Variants in PCSK5 observed in about 807,000 individuals in gnomAD.
PCSK5 encodes the protein prohormone convertase 5.
PCSK5 carries 129 observed loss-of-function variants against 233.2 expected under a neutral mutation model. The observed-to-expected ratio is 0.55, with a 90% CI of 0.48 to 0.64. The LOEUF is 0.64. PCSK5 is among the 30% of genes least tolerant of loss of function. The pLI is 0.00. For missense variants in PCSK5, 2,076 were observed against 2,430.1 expected (o/e 0.85, Z 3.06); for synonymous variants, 825 against 879.2 (o/e 0.94, Z 1.09).
rs1292906064 is a variant in PCSK5, at chr9:76,052,146, T to C, written c.633-15809T>C. Among the ~76,000 whole-genome samples, 97 of 152,206 alleles carry C rather than the reference T, an allele frequency of 6.4e-4. 1 individual carries two copies. The highest frequency in any genetic ancestry group is 2.9e-5 in the Non-Finnish European group (2 of 68,028). ...TCGCATTTCATTGTCATGATTAGTA[T>C]ATTTCATCAACAGGAAGCTCTCATA... On this transcript the variant is annotated intron_variant, in intron 5 of 37. Transcript: ENST00000674117.
At chr9:75,985,996 T>G in intron 2 of PCSK5, 136 bp from the exon 3 acceptor site, 1 of 609,854 alleles carries the variant, frequency 1.6e-6, no homozygotes, top group South Asian at 2.1e-5. Flanking sequence ...GCACTTAGAC[T>G]CAGAGATTTT....
At chr9:76,053,231 T>TG (rs963019147) in intron 5 of PCSK5, among the ~76,000 whole-genome samples, 1 of 152,086 alleles carries the variant, frequency 6.6e-6, no homozygotes. Context: ...GACACTCTTT[T>TG]GGGGGGGCTC....
intron 1 of PCSK5, among the ~76,000 whole-genome samples, chr9:75,903,017 G>C (rs1826107158): frequency 6.6e-6 from 1 of 152,140 alleles, no homozygotes; most frequent in African/African-American, 2.4e-5. Context: ...ATTTTAGGTT[G>C]ACTTTTAGCT....
At chr9:76,048,116 G>A (rs1159895540) in intron 5 of PCSK5, among the ~76,000 whole-genome samples, 3 of 152,118 alleles carry the variant, frequency 2.0e-5, no homozygotes, top group Admixed American at 2.0e-4. Flanking sequence ...ACATGGCTTT[G>A]AGTGTGATGG....
intron 2 of PCSK5, among the ~76,000 whole-genome samples, chr9:75,980,165 T>C (rs1826214114): frequency 6.6e-6 from 1 of 152,218 alleles, no homozygotes; most frequent in African/African-American, 2.4e-5. Flanking sequence ...AGAACTATGA[T>C]GTTAATTCTT....
intron 24 of PCSK5, 65 bp from the exon 25 acceptor site, chr9:76,292,168 A>T: frequency 1.1e-6 from 1 of 907,036 alleles, no homozygotes; most frequent in Non-Finnish European, 1.8e-6. Flanking sequence ...TACAGCTTTC[A>T]GACCCTATTT....
chr9:76,050,033 A>G (rs1489849702), intron 5 of PCSK5, among the ~76,000 whole-genome samples: 1 of 152,168 alleles, frequency 6.6e-6, no homozygotes, highest in Non-Finnish European at 1.5e-5. Flanking sequence ...TATTGAAACT[A>G]TGTTGTATCA....
intron 2 of PCSK5, among the ~76,000 whole-genome samples, chr9:75,981,187 G>A (rs1394503408): frequency 6.6e-6 from 1 of 152,094 alleles, no homozygotes; most frequent in South Asian, 2.1e-4. Context: ...TGATCAGCTA[G>A]AACATTGACC....
intron 1 of PCSK5, among the ~76,000 whole-genome samples, chr9:75,896,447 T>C (rs7031971): frequency 0.53 from 80,672 of 152,046 alleles, 24,019 homozygotes; most frequent in African/African-American, 0.81. Flanking sequence ...TTTTCAGCAA[T>C]GTCTGACTCT....
intron 4 of PCSK5, among the ~76,000 whole-genome samples, chr9:76,025,732 T>A (rs1265273580): frequency 6.6e-6 from 1 of 152,146 alleles, no homozygotes; most frequent in Non-Finnish European, 1.5e-5. Flanking sequence ...TATACTCTTG[T>A]ATCTTTCTTA....
At chr9:76,336,243 C>A (rs567939476) in intron 34 of PCSK5, among the ~76,000 whole-genome samples, 2 of 152,192 alleles carry the variant, frequency 1.3e-5, no homozygotes, top group Non-Finnish European at 2.9e-5. Context: ...GGTGGCTAAA[C>A]AGACCAAGCC....
At chr9:75,945,186 A>G (rs966532615) in intron 2 of PCSK5, among the ~76,000 whole-genome samples, 2 of 150,810 alleles carry the variant, frequency 1.3e-5, no homozygotes, top group Admixed American at 1.3e-4. Context: ...TCATACATAT[A>G]TAATATAACA....
intron 7 of PCSK5, among the ~76,000 whole-genome samples, chr9:76,093,484 TTTA>T (rs2131644433): frequency 6.6e-6 from 1 of 152,172 alleles, no homozygotes; most frequent in South Asian, 2.1e-4. Context: ...TCCTAAATAT[TTTA>T]TTAAATATTC....
chr9:76,267,372 C>T (rs1479178979), intron 24 of PCSK5, among the ~76,000 whole-genome samples: 2 of 152,126 alleles, frequency 1.3e-5, no homozygotes, highest in Admixed American at 1.3e-4. Flanking sequence ...TGGGGCAAAG[C>T]TCTCTCCACA....
At chr9:76,259,610 A>C (rs1420530714) in intron 24 of PCSK5, among the ~76,000 whole-genome samples, 2 of 152,180 alleles carry the variant, frequency 1.3e-5, no homozygotes, top group East Asian at 3.9e-4. Flanking sequence ...TGTAACTTCC[A>C]GGCAGGCAGA....
intron 5 of PCSK5, among the ~76,000 whole-genome samples, chr9:76,044,388 C>T (rs1829291132): frequency 6.6e-6 from 1 of 152,146 alleles, no homozygotes; most frequent in African/African-American, 2.4e-5. Context: ...ATTGGGGTTA[C>T]AAGCTAGAAA....
At position 76,338,425 on chromosome 9, in the gene PCSK5, T is replaced by A; in HGVS notation, c.4944T>A (p.His1648Gln). ...EQSTQTCERC[H>Q]PTCDQCKGKG... is the part of the protein sequence containing the mutation. ...GCACACAGACCTGTGAGAGATGCCA[T>A]CCGACTTGTGATCAATGCAAAGGTG... The change falls in exon 35 of 38, where the codon CAT becomes CAA. Residue 1648 changes from histidine to glutamine, a missense_variant. Physicochemically the swap from His to Gln is conservative, Grantham distance 24 (BLOSUM62 0). This residue lies in a region of PCSK5 where 1,510 missense variants were observed against 1,538.1 expected (regional missense o/e 0.98). Coordinates refer to ENST00000674117, the MANE Select transcript of PCSK5 (RefSeq NM_001372043.1). 1 of 1,611,866 alleles carries A rather than the reference T, an allele frequency of 6.2e-7. No individual in the cohort carries two copies. The highest frequency in any genetic ancestry group is 8.5e-7 in the Non-Finnish European group (1 of 1,179,020).
At chr9:76,026,451 G>C (rs574389298) in intron 4 of PCSK5, among the ~76,000 whole-genome samples, 1 of 152,078 alleles carries the variant, frequency 6.6e-6, no homozygotes, top group East Asian at 1.9e-4. Flanking sequence ...AATAAAGATC[G>C]AATATTGATT....
chr9:75,915,693 C>T (rs947326495), intron 1 of PCSK5, among the ~76,000 whole-genome samples: 8 of 152,130 alleles, frequency 5.3e-5, no homozygotes, highest in African/African-American at 1.7e-4. Flanking sequence ...GTAGAAGCCT[C>T]TGATTAAAGC....
Sources: allele counts gnomAD v4.1 joint callset (sites outside exome capture counted in the v4.1 genomes callset), GRCh38; gene constraint gnomAD v4.1.1; regional missense constraint gnomAD v4.1.1; transcripts MANE v1.5; gene names NCBI Gene and HGNC (gene_info 2026-07-23, HGNC 2026-07-21).